The following PCSK6 variants were observed in gnomAD, a reference collection of about 807,000 sequenced individuals.
The protein encoded by PCSK6 is paired basic amino acid cleaving enzyme 4.
PCSK6 carries 85 observed loss-of-function variants against 123.3 expected under a neutral mutation model. That is an observed-to-expected ratio of 0.69 (90% CI 0.58 to 0.83). The LOEUF (loss-of-function observed/expected upper bound fraction) is 0.83. Among genes scored for constraint, PCSK6 ranks in the 40% least tolerant of loss-of-function variants. PCSK6 has a pLI of 0.00. For synonymous variants in PCSK6, 508 were observed against 516.0 expected, an observed-to-expected ratio of 0.98 and a Z score of 0.21; for missense variants, 1,191 against 1,282.3, an observed-to-expected ratio of 0.93 and a Z score of 1.09.
At chr15:101,338,655 T>A (rs941819783) in intron 13 of PCSK6, among the ~76,000 whole-genome samples, 2 of 152,228 alleles carry the variant, frequency 1.3e-5, no homozygotes, top group African/African-American at 4.8e-5. Flanking sequence ...TACAAGCCTG[T>A]TCAAGTTTAC....
chr15:101,402,578 GAAAC>G (rs1180609144), intron 6 of PCSK6, among the ~76,000 whole-genome samples: 1 of 152,030 alleles, frequency 6.6e-6, no homozygotes, highest in Non-Finnish European at 1.5e-5. Context: ...TTACAAGAAA[GAAAC>G]AAACAACCCC....
At chr15:101,389,670 T>A in intron 8 of PCSK6, 106 bp from the exon 9 acceptor site, 1 of 830,016 alleles carries the variant, frequency 1.2e-6, no homozygotes, top group Non-Finnish European at 2.0e-6. Context: ...AGCGTGACCC[T>A]GGGTCTCGGG....
chr15:101,465,824 A>C (rs760043978), intron 1 of PCSK6, among the ~76,000 whole-genome samples: 11 of 152,192 alleles, frequency 7.2e-5, no homozygotes, highest in Non-Finnish European at 1.6e-4. Flanking sequence ...AAATTTTAAG[A>C]GAAGTATAAT....
At position 101,428,077 on chromosome 15, in the gene PCSK6, C is replaced by A. The variant is rs994273571; in HGVS notation, c.735-97G>T. Reference sequence around the variant, plus strand: ...TCAATGCAACAAGAGAGTCAGTTGTCCGAAGCCCAGAGATGTCATTAAAGC... The same window carrying A: ...TCAATGCAACAAGAGAGTCAGTTGTACGAAGCCCAGAGATGTCATTAAAGC... On this transcript the variant is annotated intron_variant, in intron 5 of 21. Transcript: ENST00000611716. 35 of 1,011,124 alleles carry A rather than the reference C, an allele frequency of 3.5e-5. No individual in the cohort carries two copies. In the African/African-American group the frequency reaches 4.1e-4, roughly 12 times the overall value. The allele number at this position is 1,011,124 out of a possible 1,614,324, so 62.6% of individuals were successfully genotyped here.
intron 9 of PCSK6, among the ~76,000 whole-genome samples, chr15:101,385,965 T>A (rs533396382): frequency 6.6e-5 from 10 of 152,260 alleles, no homozygotes; most frequent in African/African-American, 2.4e-4. Context: ...TAACCAAGAA[T>A]AAACGAACAT....
chr15:101,375,314 CA>C (rs34535327), intron 11 of PCSK6, among the ~76,000 whole-genome samples: 1 of 151,120 alleles, frequency 6.6e-6, no homozygotes, highest in Non-Finnish European at 1.5e-5. Context: ...AATTTAACCT[CA>C]AAAAAAAAGC....
At chr15:101,400,129 A>G (rs753029978) in intron 6 of PCSK6, among the ~76,000 whole-genome samples, 2 of 152,132 alleles carry the variant, frequency 1.3e-5, no homozygotes, top group Non-Finnish European at 2.9e-5. Flanking sequence ...GGCTCAAGCA[A>G]TCATCCCACC....
At chr15:101,480,733 A>G (rs1596169920) in intron 1 of PCSK6, among the ~76,000 whole-genome samples, 1 of 152,216 alleles carries the variant, frequency 6.6e-6, no homozygotes, top group Non-Finnish European at 1.5e-5. Context: ...TGGGGCCTTC[A>G]GGGGACACAG....
chr15:101,409,547 T>C (rs933083927), intron 6 of PCSK6, among the ~76,000 whole-genome samples: 8 of 142,918 alleles, frequency 5.6e-5, no homozygotes, highest in South Asian at 4.4e-4. Flanking sequence ...ATCGTGCCAC[T>C]GCACTCCAGC....
At chr15:101,390,611 A>G (rs903558) in intron 8 of PCSK6, among the ~76,000 whole-genome samples, 61,903 of 151,974 alleles carry the variant, frequency 0.41, 13,454 homozygotes, top group African/African-American at 0.57. Flanking sequence ...GTGGCCTCCA[A>G]AGGCTGAGAA....
Position 101,345,641 on chromosome 15 carries a change from C to T in PCSK6, c.1859-13610G>A, listed in dbSNP as rs573896359. On this transcript the variant is annotated intron_variant, in intron 13 of 21. Transcript: ENST00000611716. ...TTATCAGCTTGATAGCAACACTGAG[C>T]GCTCTCGCGAAAGACAAAAGGGAAT... 3.9e-5 allele frequency among the ~76,000 whole-genome samples: 6 copies of T among 152,356 alleles called. No individual in the cohort carries two copies. The South Asian group carries it at 8.3e-4, about 21-fold the overall frequency.
At chr15:101,411,680 G>C (rs1266206050) in intron 6 of PCSK6, among the ~76,000 whole-genome samples, 2 of 152,108 alleles carry the variant, frequency 1.3e-5, no homozygotes, top group Non-Finnish European at 2.9e-5. Flanking sequence ...ACAATAAGTA[G>C]GCCAAATACC....
At position 101,311,650 on chromosome 15, in the gene PCSK6, C is replaced by A. The variant is rs1221503815; in HGVS notation, c.2699+1726G>T. On this transcript the variant is annotated intron_variant, in intron 20 of 21. Coordinates refer to ENST00000611716, the MANE Select transcript of PCSK6 (RefSeq NM_002570.5). ...CGCCTGGTACTTCCCTCACAGCTCA[C>A]CCCATCGTCACCCCTCACAGCCCAC... is the stretch of plus-strand genomic sequence containing the variant. Among the ~76,000 whole-genome samples the A allele has an allele frequency of 2.3e-5, 3 of 128,332 alleles. 1 individual carries two copies. Among genetic ancestry groups the A allele is most frequent in the African/African-American group, 3.4e-5 (1 of 29,554 alleles). The allele number at this position is 128,332 out of a possible 152,430, so 84.2% of individuals were successfully genotyped here.
intron 15 of PCSK6, among the ~76,000 whole-genome samples, chr15:101,328,740 C>T (rs73489233): frequency 0.011 from 1,691 of 152,286 alleles, 33 homozygotes; most frequent in African/African-American, 0.039. Flanking sequence ...GGTCACCCAC[C>T]GGTCAGGTTA....
At chr15:101,319,883 G>T (rs1282692797) in intron 18 of PCSK6, among the ~76,000 whole-genome samples, 1 of 152,136 alleles carries the variant, frequency 6.6e-6, no homozygotes, top group Non-Finnish European at 1.5e-5. Context: ...TGTAAGTAAA[G>T]TCTTTCCCTG....
At chr15:101,415,179 G>A (rs922973440) in intron 6 of PCSK6, among the ~76,000 whole-genome samples, 3 of 152,188 alleles carry the variant, frequency 2.0e-5, no homozygotes, top group Non-Finnish European at 4.4e-5. Context: ...TTCCTTCTCA[G>A]AAACAGATCA....
At chr15:101,355,930 G>C (rs1343514485) in intron 13 of PCSK6, among the ~76,000 whole-genome samples, 1 of 152,184 alleles carries the variant, frequency 6.6e-6, no homozygotes, top group Non-Finnish European at 1.5e-5. Context: ...GACTTGGTCT[G>C]GGTCTCACTT....
chr15:101,465,417 G>A (rs937680939), intron 1 of PCSK6, among the ~76,000 whole-genome samples: 3 of 152,190 alleles, frequency 2.0e-5, no homozygotes, highest in Non-Finnish European at 2.9e-5. Context: ...CTGATGGTAC[G>A]TCCAGTGCAG....
intron 13 of PCSK6, among the ~76,000 whole-genome samples, chr15:101,338,891 A>G (rs2040541129): frequency 6.6e-6 from 1 of 152,256 alleles, no homozygotes; most frequent in African/African-American, 2.4e-5. Context: ...ATCCACAGCT[A>G]GTGCCAACTG....
Sources: allele counts gnomAD v4.1 joint callset (sites outside exome capture counted in the v4.1 genomes callset), GRCh38; gene constraint gnomAD v4.1.1; transcripts MANE v1.5; gene names NCBI Gene and HGNC (gene_info 2026-07-23, HGNC 2026-07-21).